STK33: variants seen among roughly 807,000 people sequenced by gnomAD.
STK33 encodes the protein serine/threonine kinase 33.
STK33 carries 52 observed loss-of-function variants against 58.0 expected under a neutral mutation model. The observed-to-expected ratio is 0.90, with a 90% CI of 0.72 to 1.13. The LOEUF (loss-of-function observed/expected upper bound fraction) is 1.13. Ranked by LOEUF, STK33 falls within the 50% of genes most tolerant of loss-of-function variation. STK33 has a pLI of 0.00. For synonymous variants in STK33, 215 were observed against 200.1 expected, an observed-to-expected ratio of 1.07 and a Z score of -0.63; for missense variants, 630 against 604.2, an observed-to-expected ratio of 1.04 and a Z score of -0.45.
chr11:8,556,245 G>GA (rs1240444320), intron 1 of STK33, among the ~76,000 whole-genome samples: 1 of 152,088 alleles, frequency 6.6e-6, no homozygotes, highest in Admixed American at 6.5e-5. Context: ...TTTCTGAGCA[G>GA]AAAAAAGCGT....
At chr11:8,420,532 CAAAACAAG>C (rs1426777746) in intron 14 of STK33, among the ~76,000 whole-genome samples, 1 of 152,228 alleles carries the variant, frequency 6.6e-6, no homozygotes, top group Non-Finnish European at 1.5e-5. Flanking sequence ...CACGCAACTA[CAAAACAAG>C]AAAACTAGAA....
the STK33 span, among the ~76,000 whole-genome samples, chr11:8,351,728 T>C: frequency 6.6e-6 from 1 of 152,206 alleles, no homozygotes; most frequent in East Asian, 1.9e-4. Context: ...TCAGCGCTTA[T>C]ATGTTCTGCT....
chr11:8,397,708 C>T (rs1849606461), intron 15 of STK33, among the ~76,000 whole-genome samples: 1 of 151,878 alleles, frequency 6.6e-6, no homozygotes, highest in Non-Finnish European at 1.5e-5. Flanking sequence ...AGTTAAAAAC[C>T]TTGAAAAAAA....
chr11:8,540,677 A>T (rs1371233999), intron 1 of STK33, among the ~76,000 whole-genome samples: 1 of 152,134 alleles, frequency 6.6e-6, no homozygotes, highest in African/African-American at 2.4e-5. Flanking sequence ...TATACATGGA[A>T]TATTTAAAAA....
chr11:8,387,120 T>C (rs140599355), downstream of STK33, among the ~76,000 whole-genome samples: 617 of 152,332 alleles, frequency 4.1e-3, 1 homozygote, highest in African/African-American at 0.014. Flanking sequence ...CCTGATATAG[T>C]GCTTGAGTCT....
At chr11:8,337,775 GC>G in the STK33 span, among the ~76,000 whole-genome samples, 1 of 151,758 alleles carries the variant, frequency 6.6e-6, no homozygotes, top group African/African-American at 2.4e-5. Flanking sequence ...GGCTGAGTAT[GC>G]CACATACATT....
intron 1 of STK33, among the ~76,000 whole-genome samples, chr11:8,519,453 C>T (rs1033538368): frequency 4.6e-5 from 7 of 152,090 alleles, no homozygotes; most frequent in African/African-American, 1.4e-4. Flanking sequence ...AGAGCAAACA[C>T]ATTCAAAAGC....
intron 15 of STK33, among the ~76,000 whole-genome samples, chr11:8,401,689 C>T (rs1938001232): frequency 6.6e-6 from 1 of 152,162 alleles, no homozygotes; most frequent in Admixed American, 6.5e-5. Flanking sequence ...AGGCAACCTA[C>T]AGAATGGGAG....
chr11:8,522,424 T>C (rs1047607429), intron 1 of STK33, among the ~76,000 whole-genome samples: 4 of 148,284 alleles, frequency 2.7e-5, no homozygotes, highest in Non-Finnish European at 5.9e-5. Flanking sequence ...AACTGAACAA[T>C]GAGAACAGTT....
At chr11:8,507,644 G>A (rs1358997912) in intron 1 of STK33, among the ~76,000 whole-genome samples, 1 of 151,974 alleles carries the variant, frequency 6.6e-6, no homozygotes, top group Non-Finnish European at 1.5e-5. Context: ...ACACTTAAAG[G>A]CACCCCTGAT....
At chr11:8,341,720 A>T in the STK33 span, among the ~76,000 whole-genome samples, 1 of 152,168 alleles carries the variant, frequency 6.6e-6, no homozygotes, top group Non-Finnish European at 1.5e-5. Flanking sequence ...ATGAAGTCAG[A>T]CCCAAATGTA....
chr11:8,589,080 G>A (rs553588405), intron 1 of STK33, among the ~76,000 whole-genome samples: 47 of 152,168 alleles, frequency 3.1e-4, no homozygotes, highest in African/African-American at 1.1e-3. Flanking sequence ...ATGCAAAATG[G>A]TACAGCCACT....
At chr11:8,559,661 C>T (rs1020360374) in intron 1 of STK33, among the ~76,000 whole-genome samples, 4 of 152,036 alleles carry the variant, frequency 2.6e-5, no homozygotes, top group Admixed American at 6.6e-5. Context: ...TAGTCACTAC[C>T]GGTTAAAATA....
chr11:8,594,058 G>A (rs1013299951), intron 1 of STK33, 25 bp downstream of exon 1: 4 of 152,342 alleles, frequency 2.6e-5, no homozygotes, highest in Admixed American at 1.3e-4. Context: ...CCCGCCCTGA[G>A]CCAGTGACTC....
rs370728516 is a variant in STK33 at position 8,561,859 on chromosome 11, G to A, written c.-466+32224C>T. On this transcript the variant is annotated intron_variant, in intron 1 of 15. Transcript: ENST00000687296. ...GATAACTGGAACCACAGACTTGAAC[G>A]CCACCAGGACTGCTTATCTCAACTA... is the stretch of plus-strand genomic sequence containing the variant. Among the ~76,000 whole-genome samples, 3 of 152,172 alleles carry A rather than the reference G, an allele frequency of 2.0e-5. No individual in the cohort carries two copies. In the East Asian group the frequency reaches 5.8e-4, roughly 29 times the overall value.
chr11:8,432,634 T>C (rs1027060733), intron 14 of STK33, among the ~76,000 whole-genome samples: 2 of 152,220 alleles, frequency 1.3e-5, no homozygotes, highest in Non-Finnish European at 2.9e-5. Context: ...AGAAACTTTA[T>C]AGAAAAATGT....
chr11:8,591,732 A>T (rs993849409), intron 1 of STK33, among the ~76,000 whole-genome samples: 3 of 152,026 alleles, frequency 2.0e-5, no homozygotes, highest in African/African-American at 7.2e-5. Flanking sequence ...AACTATCGCA[A>T]GGACAAAAAA....
chr11:8,358,230 C>T, the STK33 span, among the ~76,000 whole-genome samples: 1 of 152,220 alleles, frequency 6.6e-6, no homozygotes, highest in Non-Finnish European at 1.5e-5. Context: ...GGGAAGACCA[C>T]ACTGGAAGAC....
chr11:8,348,974 T>G, the STK33 span, among the ~76,000 whole-genome samples: 10 of 152,242 alleles, frequency 6.6e-5, no homozygotes, highest in Non-Finnish European at 1.3e-4. Context: ...GTAAGTCACC[T>G]AACCCAGCAT....
Sources: gnomAD v4.1 joint callset for allele counts (sites outside exome capture counted in the v4.1 genomes callset) on GRCh38, gnomAD v4.1.1 for gene constraint, MANE v1.5 for transcripts, NCBI Gene and HGNC (gene_info 2026-07-23, HGNC 2026-07-21) for gene names.